The following NRP1 variants were observed in gnomAD, a reference collection of about 807,000 sequenced individuals.
NRP1 encodes neuropilin-1.
A neutral mutation model predicts 106.7 loss-of-function variants in NRP1; 35 were observed. The observed-to-expected ratio is 0.33, with a 90% CI of 0.25 to 0.43. The LOEUF (loss-of-function observed/expected upper bound fraction) is 0.43. NRP1 is among the 20% of genes least tolerant of loss of function. The probability of loss-of-function intolerance (pLI) is 1.00; values close to 1 mark genes in which losing one functional copy is unlikely to be tolerated. For synonymous variants in NRP1, 437 were observed against 417.9 expected (o/e 1.05, Z -0.56); for missense variants, 1,024 against 1,170.4 (o/e 0.87, Z 1.83).
intron 6 of NRP1, among the ~76,000 whole-genome samples, chr10:33,230,316 G>A (rs1306395168): frequency 6.6e-6 from 1 of 152,168 alleles, no homozygotes; most frequent in Non-Finnish European, 1.5e-5. Flanking sequence ...GTTCATATCT[G>A]AAGAGTTCTG....
chr10:33,253,135 G>C (rs1315102270), intron 6 of NRP1, among the ~76,000 whole-genome samples: 1 of 151,910 alleles, frequency 6.6e-6, no homozygotes, highest in Non-Finnish European at 1.5e-5. Context: ...TGTATAATTT[G>C]CCCACAGTTT....
chr10:33,299,488 G>T (rs935247537), intron 2 of NRP1, among the ~76,000 whole-genome samples: 1 of 152,124 alleles, frequency 6.6e-6, no homozygotes, highest in African/African-American at 2.4e-5. Context: ...GAAAAAATTT[G>T]TTACAGGTGA....
At chr10:33,181,942 C>CA (rs1193299798) in intron 16 of NRP1, among the ~76,000 whole-genome samples, 1 of 151,920 alleles carries the variant, frequency 6.6e-6, no homozygotes, top group Non-Finnish European at 1.5e-5. Context: ...TTACAAAAGA[C>CA]AAAAAAATAA....
chr10:33,220,227 T>A (rs540748365), intron 8 of NRP1, among the ~76,000 whole-genome samples: 60 of 152,350 alleles, frequency 3.9e-4, no homozygotes, highest in African/African-American at 1.4e-3. Flanking sequence ...CAAAATTGCT[T>A]GTAATTTCAT....
chr10:33,325,983 T>C (rs1455418476), intron 2 of NRP1, among the ~76,000 whole-genome samples: 1 of 152,220 alleles, frequency 6.6e-6, no homozygotes, highest in African/African-American at 2.4e-5. Flanking sequence ...CCCCCAATGC[T>C]ACCACCTTTT....
At chr10:33,214,114 T>C (rs1457485456) in intron 8 of NRP1, among the ~76,000 whole-genome samples, 1 of 152,106 alleles carries the variant, frequency 6.6e-6, no homozygotes, top group Non-Finnish European at 1.5e-5. Flanking sequence ...GCAGGAAGGT[T>C]GCTAAAACAA....
chr10:33,281,106 G>T (rs987325638), intron 2 of NRP1, among the ~76,000 whole-genome samples: 1 of 150,834 alleles, frequency 6.6e-6, no homozygotes, highest in Non-Finnish European at 1.5e-5. Context: ...CTGGAGTGCA[G>T]TGGCACAATC....
At chr10:33,196,353 T>C (rs1440205818) in intron 12 of NRP1, among the ~76,000 whole-genome samples, 1 of 152,166 alleles carries the variant, frequency 6.6e-6, no homozygotes, top group African/African-American at 2.4e-5. Context: ...CTCTTCCCTA[T>C]CCCAGAAAGG....
At chr10:33,221,945 A>AT in intron 7 of NRP1, 82 bp from the exon 8 acceptor site, 1 of 1,457,840 alleles carries the variant, frequency 6.9e-7, no homozygotes, top group Non-Finnish European at 9.5e-7. Context: ...ATGGTTGTAA[A>AT]AATTATTTAC....
Position 33,192,403 on chromosome 10 carries a change from C to T in NRP1, c.1940G>A (p.Gly647Asp). The stretch of plus-strand genomic sequence containing the variant: ...GCCCCAGCCAAATTCACAGTTAAAA[C>T]CATATGTTGGAAACTCTTCAGTGGG... Reference protein sequence around the residue: ...STIQSEFPTYGFNCEFGWGSH... With the variant: ...STIQSEFPTYDFNCEFGWGSH... Residue 647 changes from glycine (G) to aspartate (D), a missense_variant, in exon 13 of 17, where the codon GGT (glycine) becomes GAT (aspartate). By Grantham distance (94) the Gly-to-Asp change is moderately conservative. Transcript: ENST00000374867. 5 of 1,613,778 alleles carry T rather than the reference C, an allele frequency of 3.1e-6. No individual in the cohort carries two copies. The highest frequency in any genetic ancestry group is 4.2e-6 in the Non-Finnish European group (5 of 1,179,912).
chr10:33,249,559 T>C (rs1027755718), intron 6 of NRP1: 13 of 512,474 alleles, frequency 2.5e-5, no homozygotes, highest in East Asian at 5.5e-5. Context: ...CCTAGAATGA[T>C]TAACCAGAAA....
intron 2 of NRP1, among the ~76,000 whole-genome samples, chr10:33,316,805 G>A (rs1253713865): frequency 6.6e-6 from 1 of 152,190 alleles, no homozygotes; most frequent in African/African-American, 2.4e-5. Context: ...TGAAGCATTA[G>A]AAGAGCCACT....
chr10:33,281,882 A>G (rs903679699), intron 2 of NRP1, among the ~76,000 whole-genome samples: 2 of 152,214 alleles, frequency 1.3e-5, no homozygotes. Context: ...TCCACAGTGT[A>G]TACTATTGGG....
Position 33,192,409 on chromosome 10 carries a change from G to A in NRP1, c.1934C>T (p.Thr645Ile). 1.9e-6 allele frequency: 3 copies of A among 1,613,796 alleles called. No homozygotes were observed. The highest frequency in any genetic ancestry group is 2.5e-6 in the Non-Finnish European group (3 of 1,179,908). Reference protein sequence around the residue: ...IDSTIQSEFPTYGFNCEFGWG... With the variant: ...IDSTIQSEFPIYGFNCEFGWG... ...GCCAAATTCACAGTTAAAACCATAT[G>A]TTGGAAACTCTTCAGTGGGTGGGAA... Residue 645 changes from threonine to isoleucine, a missense_variant, in exon 13 of 17, where the codon ACA (threonine) becomes ATA (isoleucine). Around this residue, in one of 5 missense-constraint regions of NRP1, gnomAD observed 562 missense variants for 620.3 expected, o/e 0.91. Coordinates refer to ENST00000374867, the MANE Select transcript of NRP1 (RefSeq NM_003873.7).
intron 2 of NRP1, among the ~76,000 whole-genome samples, chr10:33,279,747 G>A (rs1482705827): frequency 1.3e-5 from 2 of 152,296 alleles, no homozygotes; most frequent in South Asian, 2.1e-4. Flanking sequence ...GCTAGGACAC[G>A]TGGAGATTGA....
At chr10:33,244,689 TAGAC>T (rs1469742246) in intron 6 of NRP1, among the ~76,000 whole-genome samples, 1 of 152,170 alleles carries the variant, frequency 6.6e-6, no homozygotes, top group Non-Finnish European at 1.5e-5. Context: ...TATTAACCAA[TAGAC>T]AGCCTTTTCA....
chr10:33,317,891 T>G (rs1847152203), intron 2 of NRP1, among the ~76,000 whole-genome samples: 1 of 152,182 alleles, frequency 6.6e-6, no homozygotes, highest in Non-Finnish European at 1.5e-5. Context: ...AGATACTATC[T>G]CTGTTGTGTG....
chr10:33,202,937 G>A lies in NRP1; in HGVS notation c.1818C>T (p.Asp606=), dbSNP rs763474096. 1.9e-6 allele frequency: 3 copies of A among 1,614,234 alleles called. No individual in the cohort carries two copies. The highest frequency in any genetic ancestry group is 1.3e-5 in the African/African-American group (1 of 75,070). The change falls in exon 11 of 17, where the codon GAC becomes GAT. Residue 606 remains aspartate (D), a synonymous_variant. Coordinates refer to ENST00000374867, the MANE Select transcript of NRP1 (RefSeq NM_003873.7). The part of the protein sequence containing the change: ...NGNLVDECDD[D]QANCHSGTGD... ...CTGTTCCACTGTGGCAGTTGGCCTG[G>A]TCGTCATCACATTCATCCACCAAGT...
At chr10:33,308,164 T>C (rs1018365346) in intron 2 of NRP1, among the ~76,000 whole-genome samples, 1 of 151,958 alleles carries the variant, frequency 6.6e-6, no homozygotes, top group East Asian at 1.9e-4. Context: ...GAGCTAAACA[T>C]TGAATACATA....
Sources: gnomAD v4.1 joint callset for allele counts (sites outside exome capture counted in the v4.1 genomes callset) on GRCh38, gnomAD v4.1.1 for gene constraint, gnomAD v4.1.1 regional missense constraint, MANE v1.5 for transcripts, NCBI Gene and HGNC (gene_info 2026-07-23, HGNC 2026-07-21) for gene names.